Variants in RNF14 observed in about 807,000 individuals in gnomAD.
The protein encoded by RNF14 is E3 ubiquitin-protein ligase RNF14.
Under a neutral mutation model 52.6 loss-of-function variants are expected in RNF14, and 26 were observed. The observed-to-expected ratio is 0.49, with a 90% confidence interval of 0.36 to 0.69. The LOEUF is 0.69. RNF14 is among the 30% of genes least tolerant of loss of function. The pLI, the probability that RNF14 is intolerant of heterozygous loss-of-function variation, is 0.00. For synonymous variants in RNF14, 194 were observed against 202.0 expected (o/e 0.96, Z 0.34); for missense variants, 404 against 560.4 (o/e 0.72, Z 2.82).
intron 8 of RNF14, 124 bp from the exon 9 acceptor site, chr5:141,987,608 TG>T (rs1189662877): frequency 2.2e-6 from 2 of 902,072 alleles, no homozygotes; most frequent in Middle Eastern, 2.2e-4. Context: ...CTCAGTGCAA[TG>T]ATTAAAGGAG....
intron 8 of RNF14, among the ~76,000 whole-genome samples, chr5:141,985,922 G>C (rs1270909595): frequency 1.3e-5 from 2 of 152,154 alleles, no homozygotes; most frequent in Non-Finnish European, 2.9e-5. Flanking sequence ...ACTTTTATTT[G>C]TCCATGGTGT....
chr5:141,964,418 G>T (rs1029749408), upstream of RNF14, among the ~76,000 whole-genome samples: 1 of 152,136 alleles, frequency 6.6e-6, no homozygotes, highest in African/African-American at 2.4e-5. Context: ...TCTATGATCA[G>T]TTTCCTTAGC....
upstream of RNF14, among the ~76,000 whole-genome samples, chr5:141,965,978 TAAA>T (rs545449787): frequency 7.9e-6 from 1 of 127,012 alleles, no homozygotes; most frequent in Non-Finnish European, 1.7e-5. Flanking sequence ...ACTTAAAAGT[TAAA>T]AAAAAAAAAA....
chr5:141,985,488 C>G (rs962256829), intron 8 of RNF14, among the ~76,000 whole-genome samples: 9 of 152,100 alleles, frequency 5.9e-5, no homozygotes, highest in African/African-American at 2.2e-4. Flanking sequence ...GTATTTGGTT[C>G]TATCTCTTTA....
At chr5:141,964,784 T>TC (rs1753304268), upstream of RNF14, among the ~76,000 whole-genome samples, 1 of 24,620 alleles carries the variant, frequency 4.1e-5, no homozygotes, top group African/African-American at 7.2e-5. Flanking sequence ...CGGCTAATTT[T>TC]TTTTTTTTTT....
chr5:141,982,913 A>G (rs1046324106), intron 6 of RNF14, among the ~76,000 whole-genome samples: 1 of 152,228 alleles, frequency 6.6e-6, no homozygotes, highest in Non-Finnish European at 1.5e-5. Context: ...TTAACTGCAT[A>G]CTTCTAGATG....
chr5:141,971,984 G>A (rs1753823272), intron 2 of RNF14, among the ~76,000 whole-genome samples: 1 of 152,020 alleles, frequency 6.6e-6, no homozygotes, highest in South Asian at 2.1e-4. Context: ...TAAAATAATG[G>A]TAAATCTTTC....
rs1033873946 is a variant in RNF14 at position 141,970,757 on chromosome 5, C to A, written c.-127C>A. The A allele has an allele frequency of 6.6e-6, 1 of 152,312 alleles. No individual in the cohort carries two copies. The highest frequency in any genetic ancestry group is 2.4e-5 in the African/African-American group (1 of 41,442). 9.4% of individuals were successfully genotyped at this position (152,312 alleles called of 1,614,324 possible). ...ATGAGTTCCACATCTTGGCCTCTTA[C>A]CCAGCTTCAGCAGTCTCAGCTCCAC... is the stretch of plus-strand genomic sequence containing the variant. On this transcript the variant is annotated 5_prime_UTR_variant, in exon 2 of 9. Transcript: ENST00000394520.
chr5:141,964,255 T>C (rs1753298906), upstream of RNF14, among the ~76,000 whole-genome samples: 1 of 152,186 alleles, frequency 6.6e-6, no homozygotes, highest in African/African-American at 2.4e-5. Flanking sequence ...CTATTTCTCC[T>C]TACAGACCCA....
Position 141,983,434 on chromosome 5 carries a change from G to A in RNF14, c.1118G>A (p.Arg373Lys). Residue 373 changes from arginine (R) to lysine (K), a missense_variant, in exon 7 of 9, where the codon AGA becomes AAA. Transcript: ENST00000394520. ...CTGCAAGCGGATGAGGCTAATAAAA[G>A]ACTTTTGGATCAAAGGTATGGTAAG... is the stretch of plus-strand genomic sequence containing the variant. ...EYLQADEANK[R>K]LLDQRYGKRV... 6.2e-7 allele frequency: 1 copy of A among 1,613,704 alleles called. No individual in the cohort carries two copies. Among genetic ancestry groups the A allele is most frequent in the Non-Finnish European group, 8.5e-7 (1 of 1,179,816 alleles).
chr5:141,986,505 C>G (rs1755246817), intron 8 of RNF14, among the ~76,000 whole-genome samples: 1 of 152,148 alleles, frequency 6.6e-6, no homozygotes, highest in Admixed American at 6.5e-5. Context: ...CCTGACTTCC[C>G]CAGTCTTGCC....
intron 6 of RNF14, among the ~76,000 whole-genome samples, chr5:141,981,425 C>T (rs1255645207): frequency 2.6e-5 from 4 of 151,966 alleles, no homozygotes; most frequent in Admixed American, 2.0e-4. Context: ...GCTTGGGCAA[C>T]GTAGTGAGAC....
chr5:141,989,079 C>G lies in RNF14; in HGVS notation c.*1289C>G, dbSNP rs1019247040. ...TTGCAAATTGAGGAATCACTTTTAA[C>G]TGTTTTAGGTGTGTGTGTCCAGAGT... On this transcript the variant is annotated 3_prime_UTR_variant, in exon 9 of 9. Transcript: ENST00000394520. 3 of 152,220 alleles carry G rather than the reference C, an allele frequency of 2.0e-5. No individual in the cohort carries two copies. The highest frequency in any genetic ancestry group is 7.2e-5 in the African/African-American group (3 of 41,406). The allele number at this position is 152,220 out of a possible 1,614,324, so 9.4% of individuals were successfully genotyped here.
chr5:141,957,535 A>G, upstream of RNF14: 1 of 1,614,180 alleles, frequency 6.2e-7, no homozygotes. The surrounding 1 kb of genome is among the most constrained non-coding windows in gnomAD (Gnocchi z 4.3). Context: ...ATCAAAGGAA[A>G]CCAGGCAGGG....
chr5:141,957,801 G>A (rs1245902888), upstream of RNF14: 3 of 1,604,068 alleles, frequency 1.9e-6, no homozygotes, highest in Middle Eastern at 1.6e-4. The surrounding 1 kb of genome is among the most constrained non-coding windows in gnomAD (Gnocchi z 4.3). Flanking sequence ...AAAGAAATAA[G>A]TAGCCACCTG....
chr5:141,987,669 C>A, intron 8 of RNF14, 64 bp from the exon 9 acceptor site: 1 of 1,480,046 alleles, frequency 6.8e-7, no homozygotes, highest in Non-Finnish European at 9.4e-7. Flanking sequence ...TATTTTTCAG[C>A]GGAGAGGCAA....
At chr5:141,977,586 T>A (rs1754380361) in intron 4 of RNF14, among the ~76,000 whole-genome samples, 1 of 152,250 alleles carries the variant, frequency 6.6e-6, no homozygotes, top group Admixed American at 6.5e-5. Context: ...AATTTAATTT[T>A]GGTTGCTTAG....
intron 1 of RNF14, among the ~76,000 whole-genome samples, chr5:141,960,218 CCT>C (rs1281758377): frequency 3.3e-5 from 5 of 152,286 alleles, no homozygotes; most frequent in Admixed American, 2.0e-4. Flanking sequence ...CAATCGTCCC[CCT>C]GTGTGCCTGA....
At chr5:141,964,211 C>T (rs892276846), upstream of RNF14, among the ~76,000 whole-genome samples, 1 of 152,194 alleles carries the variant, frequency 6.6e-6, no homozygotes, top group African/African-American at 2.4e-5. Context: ...TTAGGTTGCA[C>T]TGGCCAGGGA....
Sources: gnomAD v4.1 joint callset for allele counts (sites outside exome capture counted in the v4.1 genomes callset) on GRCh38, gnomAD v4.1.1 for gene constraint, Gnocchi (gnomAD v3.1) non-coding constraint, MANE v1.5 for transcripts, NCBI Gene and HGNC (gene_info 2026-07-23, HGNC 2026-07-21) for gene names.